MEGF6: variants seen among roughly 807,000 people sequenced by gnomAD.
The protein encoded by MEGF6 is multiple EGF like domains 6, also known as multiple epidermal growth factor-like domains protein 6.
In MEGF6, 184 loss-of-function variants were observed where a neutral mutation model predicts 207.1. That is an observed-to-expected ratio of 0.89 (90% CI 0.79 to 1.00). The LOEUF (loss-of-function observed/expected upper bound fraction) is 1.00. Among genes scored for constraint, MEGF6 ranks in the 50% least tolerant of loss-of-function variants. The pLI is 0.00. For synonymous variants in MEGF6, 1,038 were observed against 910.0 expected, an observed-to-expected ratio of 1.14 and a Z score of -2.53; for missense variants, 2,282 against 2,202.9, an observed-to-expected ratio of 1.04 and a Z score of -0.72.
chr1:3,597,706 A>T (rs3001107), intron 2 of MEGF6, among the ~76,000 whole-genome samples: 133,678 of 152,230 alleles, frequency 0.88, 58,797 homozygotes, highest in East Asian at 0.98. Flanking sequence ...GACAGCCGGC[A>T]GCAGAAGCTG....
chr1:3,561,976 C>T (rs954317553), intron 4 of MEGF6, among the ~76,000 whole-genome samples: 7 of 152,234 alleles, frequency 4.6e-5, no homozygotes, highest in African/African-American at 7.2e-5. Context: ...CACTCCCCTC[C>T]GTGGCCGAGT....
chr1:3,560,738 C>T lies in MEGF6; in HGVS notation c.481+19087G>A, dbSNP rs753091537. 15 of 468,428 alleles carry T rather than the reference C, an allele frequency of 3.2e-5. No individual in the cohort carries two copies. The highest frequency in any genetic ancestry group is 3.3e-4 in the Middle Eastern group (1 of 3,064). The allele number at this position is 468,428 out of a possible 1,614,324, so 29.0% of individuals were successfully genotyped here. A position where few individuals can be genotyped will look rare whatever the true frequency, so the allele number is the denominator to read the frequency against. On this transcript the variant is annotated intron_variant, in intron 4 of 36. Coordinates refer to ENST00000356575, the MANE Select transcript of MEGF6 (RefSeq NM_001409.4). This position sits in a 1 kb window ranked among gnomAD's most constrained non-coding sequence, Gnocchi z 4.0. ...AAACCAAGAGTGGGTCGCCTAGAAA[C>T]GGTCAGACTGGCCCCACCCACTCTG...
Position 3,493,995 on chromosome 1 carries a change from C to G in MEGF6, c.4258+1G>C. 6.3e-7 allele frequency: 1 copy of G among 1,598,622 alleles called. No individual in the cohort carries two copies. Among genetic ancestry groups the G allele is most frequent in the Non-Finnish European group, 8.5e-7 (1 of 1,173,798 alleles). On this transcript the variant is annotated splice_donor_variant, in intron 33 of 36. Transcript: ENST00000356575. LOFTEE classifies it high-confidence loss of function. ...GGTTCAGGGAGGCACCAAGCACTCA[C>G]CCCTCTCACAGAAGTGGCCGTGGAA...
At chr1:3,580,459 T>C (rs1643768229) in intron 3 of MEGF6, among the ~76,000 whole-genome samples, 1 of 152,070 alleles carries the variant, frequency 6.6e-6, no homozygotes, top group Non-Finnish European at 1.5e-5. Flanking sequence ...GGGAGCCAAG[T>C]GTTGACAGCG....
Position 3,593,833 on chromosome 1 carries a change from C to G in MEGF6, c.376+1505G>C, listed in dbSNP as rs541298740. On this transcript the variant is annotated intron_variant, in intron 3 of 36. Transcript: ENST00000356575. ...TCCGAGGGGCGGCTGGCCAGCACCC[C>G]CCTCCCTGCTGCCAGCAGTGGCCCC... Among the ~76,000 whole-genome samples the G allele has an allele frequency of 1.3e-4, 20 of 152,296 alleles. No individual in the cohort carries two copies. The South Asian group carries it at 3.9e-3, about 30-fold the overall frequency.
chr1:3,499,151 G>C lies in MEGF6; in HGVS notation c.3081C>G (p.Pro1027=). The change falls in exon 24 of 37, where the codon CCC becomes CCG. Residue 1027 remains proline (P), a synonymous_variant. Transcript: ENST00000356575. The part of the protein sequence containing the change: ...QCHCAPGWMG[P]SCLQACPAGL... ...GATGTGGCTTACCCTGCAGGCAGGA[G>C]GGCCCCATCCAGCCAGGGGCACAGT... The C allele has an allele frequency of 6.2e-7, 1 of 1,604,430 alleles. No homozygotes were observed. The highest frequency in any genetic ancestry group is 1.1e-5 in the South Asian group (1 of 89,458).
Position 3,494,670 on chromosome 1 carries a change from C to A in MEGF6, c.3943G>T (p.Ala1315Ser), listed in dbSNP as rs759651996. ...CSCRNGGLCHASNGSCSCGLG... is the reference protein window; with the variant it reads ...CSCRNGGLCHSSNGSCSCGLG... ...CCACAGGAGCAGCTGCCGTTGCTGG[C>A]GTGGCACAGGCCCCCATTTCTGCAG... Residue 1315 changes from alanine to serine, a missense_variant, in exon 31 of 37, where the codon GCC becomes TCC. By Grantham distance (99) the Ala-to-Ser change is moderately conservative. Transcript: ENST00000356575. 1.3e-6 allele frequency: 2 copies of A among 1,568,794 alleles called. No individual in the cohort carries two copies. Among genetic ancestry groups the A allele is most frequent in the Non-Finnish European group, 1.7e-6 (2 of 1,158,268 alleles).
chr1:3,528,681 G>A (rs1006372990), intron 4 of MEGF6, among the ~76,000 whole-genome samples: 4 of 152,130 alleles, frequency 2.6e-5, no homozygotes, highest in Non-Finnish European at 4.4e-5. Context: ...GTCGGAGGGA[G>A]GCAGGGATTG....
intron 4 of MEGF6, among the ~76,000 whole-genome samples, chr1:3,539,064 G>A (rs1408785408): frequency 1.3e-5 from 2 of 152,180 alleles, no homozygotes; most frequent in Admixed American, 1.3e-4. Context: ...GGCCTCAGTG[G>A]GGTCAAGAGC....
intron 2 of MEGF6, among the ~76,000 whole-genome samples, chr1:3,595,930 G>A (rs904484360): frequency 3.9e-5 from 6 of 152,186 alleles, no homozygotes; most frequent in African/African-American, 1.4e-4. Flanking sequence ...GGCAGGGGAG[G>A]TGCCAGTTCA....
chr1:3,558,040 C>T (rs1245351863), intron 4 of MEGF6, among the ~76,000 whole-genome samples: 6 of 152,194 alleles, frequency 3.9e-5, no homozygotes, highest in African/African-American at 7.2e-5. Context: ...CTCCCCGCTC[C>T]GTGCAGTGGT....
chr1:3,605,595 G>GAC (rs899964315), intron 1 of MEGF6, among the ~76,000 whole-genome samples: 1 of 151,362 alleles, frequency 6.6e-6, no homozygotes, highest in African/African-American at 2.4e-5. Context: ...CTCATACAAT[G>GAC]ACACACACAC....
At chr1:3,528,367 C>T (rs964674504) in intron 4 of MEGF6, among the ~76,000 whole-genome samples, 2 of 152,262 alleles carry the variant, frequency 1.3e-5, no homozygotes, top group Non-Finnish European at 2.9e-5. Flanking sequence ...GCTCCAAGGA[C>T]CCCGCAGGTG....
At chr1:3,494,995 G>A (rs1480227695) in intron 30 of MEGF6, among the ~76,000 whole-genome samples, 1 of 152,198 alleles carries the variant, frequency 6.6e-6, no homozygotes, top group African/African-American at 2.4e-5. Context: ...GGGGCTGGGT[G>A]AGCGCCTGCC....
intron 4 of MEGF6, among the ~76,000 whole-genome samples, chr1:3,575,308 G>A (rs1218866229): frequency 3.9e-5 from 6 of 152,160 alleles, no homozygotes; most frequent in African/African-American, 1.4e-4. Context: ...TGATGAAACT[G>A]ATACTCTGAT....
chr1:3,495,810 C>T, intron 30 of MEGF6, 80 bp downstream of exon 30: 1 of 1,520,966 alleles, frequency 6.6e-7, no homozygotes, highest in East Asian at 2.4e-5. Context: ...GCTGGGCCCA[C>T]CCCTCCAGTG....
At chr1:3,502,832 C>T (rs984726458) in intron 17 of MEGF6, among the ~76,000 whole-genome samples, 1 of 152,194 alleles carries the variant, frequency 6.6e-6, no homozygotes, top group Non-Finnish European at 1.5e-5. Flanking sequence ...CTTGGCCTCT[C>T]CAGTGAGGAC....
In MEGF6 at chr1:3,574,967, A is replaced by G. The variant is rs372785042; in HGVS notation, c.481+4858T>C. The stretch of plus-strand genomic sequence containing the variant: ...TTGAGCCAAAGGTTCTTGAACCAAG[A>G]AAGTACCTAGAGGTGACCCAGGCCT... On this transcript the variant is annotated intron_variant, in intron 4 of 36. Coordinates refer to ENST00000356575, the MANE Select transcript of MEGF6 (RefSeq NM_001409.4). Among the ~76,000 whole-genome samples, 2 of 152,302 alleles carry G rather than the reference A, an allele frequency of 1.3e-5. 1 individual carries two copies. Among genetic ancestry groups the G allele is most frequent in the South Asian group, 4.1e-4 (2 of 4,826 alleles).
intron 4 of MEGF6, among the ~76,000 whole-genome samples, chr1:3,566,630 GC>G (rs1029664799): frequency 5.3e-5 from 8 of 152,162 alleles, no homozygotes; most frequent in Non-Finnish European, 7.4e-5. Context: ...GGACCCCGGG[GC>G]CCTTCCCCCA....
Sources: allele counts gnomAD v4.1 joint callset (sites outside exome capture counted in the v4.1 genomes callset), GRCh38; gene constraint gnomAD v4.1.1; non-coding constraint Gnocchi (gnomAD v3.1); transcripts MANE v1.5; gene names NCBI Gene and HGNC (gene_info 2026-07-23, HGNC 2026-07-21).